The following CHL1 variants were observed in gnomAD, a reference collection of about 807,000 sequenced individuals.
The protein encoded by CHL1 is neural cell adhesion molecule L1-like protein.
In CHL1, 96 loss-of-function variants were observed where a neutral mutation model predicts 141.9. That is an observed-to-expected ratio of 0.68 (90% CI 0.57 to 0.80). The LOEUF (loss-of-function observed/expected upper bound fraction) is 0.80, where lower values mean the gene tolerates loss of function less well. Among genes scored for constraint, CHL1 ranks in the 30% least tolerant of loss-of-function variants. CHL1 has a pLI of 0.00. For synonymous variants in CHL1, 613 were observed against 502.2 expected, an observed-to-expected ratio of 1.22 and a Z score of -2.95; for missense variants, 1,820 against 1,457.2, an observed-to-expected ratio of 1.25 and a Z score of -4.05.
At chr3:236,688 T>TTAAAAACCTTGTAAATAGCA (rs1559314489) in intron 1 of CHL1, among the ~76,000 whole-genome samples, 4 of 151,648 alleles carry the variant, frequency 2.6e-5, no homozygotes, top group African/African-American at 9.8e-5. Context: ...ATACTGACAT[T>TTAAAAACCTTGTAAATAGCA]TTCTGTGGCC....
Position 407,259 on chromosome 3 carries a change from C to T in CHL1, c.*1548C>T, listed in dbSNP as rs997460296. ...TTTTTGAACTGTGATTATTGGTATA[C>T]TGTTATATCCTCAACTTGGATTTAT... On this transcript the variant is annotated 3_prime_UTR_variant, in exon 28 of 28. Transcript: ENST00000256509. The T allele has an allele frequency of 6.6e-6, 1 of 152,032 alleles. No homozygotes were observed. Among genetic ancestry groups the T allele is most frequent in the Admixed American group, 6.6e-5 (1 of 15,234 alleles). The allele number at this position is 152,032 out of a possible 1,614,324, so 9.4% of individuals were successfully genotyped here.
At chr3:350,342 A>C (rs1703136705) in intron 10 of CHL1, among the ~76,000 whole-genome samples, 2 of 152,176 alleles carry the variant, frequency 1.3e-5, no homozygotes, top group Admixed American at 1.3e-4. Context: ...TGTGATTGAC[A>C]CAGACTATTT....
At chr3:390,669 T>C (rs780114582) in intron 20 of CHL1, 32 bp from the exon 21 acceptor site, 2 of 1,260,858 alleles carry the variant, frequency 1.6e-6, no homozygotes, top group Non-Finnish European at 1.2e-6. Flanking sequence ...TTGCAGGTTA[T>C]TGAAAACTAA....
At chr3:384,211 T>A (rs937031483) in intron 19 of CHL1, 3 of 180,320 alleles carry the variant, frequency 1.7e-5, no homozygotes, top group African/African-American at 7.1e-5. Context: ...CTGAAAATCT[T>A]TAATTAATTT....
At chr3:342,852 C>T in intron 7 of CHL1, 132 bp from the exon 8 acceptor site, 2 of 600,498 alleles carry the variant, frequency 3.3e-6, no homozygotes, top group Admixed American at 3.5e-5. Context: ...TTCCCAAAGG[C>T]AATGTTCTAG....
At chr3:393,098 T>C (rs1161882463) in intron 23 of CHL1, among the ~76,000 whole-genome samples, 1 of 151,870 alleles carries the variant, frequency 6.6e-6, no homozygotes, top group African/African-American at 2.4e-5. Flanking sequence ...CCAGGCGTGG[T>C]GGTGGGCCCC....
chr3:364,403 A>G (rs1347469613), intron 14 of CHL1, among the ~76,000 whole-genome samples: 2 of 152,134 alleles, frequency 1.3e-5, no homozygotes, highest in African/African-American at 4.8e-5. Flanking sequence ...TTATACTTCA[A>G]AAAGTAAACC....
chr3:269,248 G>T (rs1372665837), intron 2 of CHL1, among the ~76,000 whole-genome samples: 1 of 152,196 alleles, frequency 6.6e-6, no homozygotes, highest in Non-Finnish European at 1.5e-5. Context: ...GATCAGATGG[G>T]ATTCCTTCTA....
In CHL1 at chr3:377,803, C is replaced by CT. The variant is rs778899586; in HGVS notation, c.1752-8dup. 5.0e-6 allele frequency: 8 copies of CT among 1,593,580 alleles called. No individual in the cohort carries two copies. Among genetic ancestry groups the CT allele is most frequent in the Non-Finnish European group, 6.9e-6 (8 of 1,167,148 alleles). Reference sequence around the variant, plus strand: ...TGTTTTCCTTCTCATCATGTACTCACTTTTTTTCTGATAGGATAATTATTG... The same window carrying CT: ...TGTTTTCCTTCTCATCATGTACTCACTTTTTTTTCTGATAGGATAATTATTG... On this transcript the variant is annotated splice_polypyrimidine_tract_variant and intron_variant, in intron 15 of 27. Transcript: ENST00000256509.
chr3:214,151 T>A (rs1258859596), intron 1 of CHL1, among the ~76,000 whole-genome samples: 1 of 152,168 alleles, frequency 6.6e-6, no homozygotes, highest in Non-Finnish European at 1.5e-5. Context: ...GAGGTGCTTT[T>A]CGATTGTGAG....
chr3:209,040 A>T (rs1056921307), intron 1 of CHL1, among the ~76,000 whole-genome samples: 6 of 152,242 alleles, frequency 3.9e-5, no homozygotes, highest in Non-Finnish European at 8.8e-5. Flanking sequence ...CTATAATGAG[A>T]TGTCTCAGCT....
At position 343,165 on chromosome 3, in the gene CHL1, T is replaced by C. The variant is rs1702474012; in HGVS notation, c.727+134T>C. On this transcript the variant is annotated intron_variant, in intron 8 of 27. Transcript: ENST00000256509. ...ATGAAAAACATCTGAACTTAGAGGG[T>C]TCTATTGCCCCCCATGCCCTCTTAA... The C allele has an allele frequency of 4.9e-6, 3 of 615,998 alleles. No homozygotes were observed. The South Asian group carries it at 8.5e-5, about 17-fold the overall frequency. 38.2% of individuals were successfully genotyped at this position (615,998 alleles called of 1,614,324 possible). A position where few individuals can be genotyped will look rare whatever the true frequency, so the allele number is the denominator to read the frequency against.
chr3:361,160 C>T (rs1575162265), intron 12 of CHL1, among the ~76,000 whole-genome samples: 2 of 151,570 alleles, frequency 1.3e-5, no homozygotes, highest in Admixed American at 1.3e-4. Context: ...GGAAAACTGG[C>T]TAGCCATATG....
intron 4 of CHL1, 68 bp from the exon 5 acceptor site, chr3:328,099 T>C (rs775838125): frequency 4.9e-5 from 60 of 1,218,644 alleles, no homozygotes; most frequent in Non-Finnish European, 6.6e-5. Flanking sequence ...TTTTATGCAA[T>C]TGTTAATAAG....
chr3:295,500 A>T (rs1698107757), intron 2 of CHL1, among the ~76,000 whole-genome samples: 1 of 152,162 alleles, frequency 6.6e-6, no homozygotes, highest in Non-Finnish European at 1.5e-5. Flanking sequence ...ACATGAAATG[A>T]TGTTAAGAAA....
At chr3:367,039 T>C (rs1704989082) in intron 15 of CHL1, among the ~76,000 whole-genome samples, 1 of 152,236 alleles carries the variant, frequency 6.6e-6, no homozygotes, top group African/African-American at 2.4e-5. Flanking sequence ...AAACTCTGTA[T>C]AGAGAATATA....
intron 2 of CHL1, among the ~76,000 whole-genome samples, chr3:296,097 G>C (rs1018104473): frequency 6.6e-6 from 1 of 152,062 alleles, no homozygotes; most frequent in Non-Finnish European, 1.5e-5. Context: ...TGAATGCAAT[G>C]TTTAGCACAT....
intron 7 of CHL1, among the ~76,000 whole-genome samples, chr3:342,755 G>T (rs1004591846): frequency 3.3e-5 from 5 of 152,094 alleles, no homozygotes; most frequent in Non-Finnish European, 7.4e-5. Flanking sequence ...AGTAGCCTCA[G>T]TTCTCTTCAG....
At chr3:361,163 G>C (rs1375460100) in intron 12 of CHL1, among the ~76,000 whole-genome samples, 11 of 151,598 alleles carry the variant, frequency 7.3e-5, no homozygotes, top group Admixed American at 5.3e-4. Context: ...AAACTGGCTA[G>C]CCATATGTAG....
Sources: allele counts gnomAD v4.1 joint callset (sites outside exome capture counted in the v4.1 genomes callset), GRCh38; gene constraint gnomAD v4.1.1; transcripts MANE v1.5; gene names NCBI Gene and HGNC (gene_info 2026-07-23, HGNC 2026-07-21).